The following RBFOX1 variants were observed in gnomAD, a reference collection of about 807,000 sequenced individuals.
RBFOX1 encodes RNA binding fox-1 homolog 1.
RBFOX1 carries 8 observed loss-of-function variants against 57.7 expected under a neutral mutation model. That is an observed-to-expected ratio of 0.14 (90% CI 0.08 to 0.25). The LOEUF is 0.25. Ranked by LOEUF, RBFOX1 falls within the 10% of genes least tolerant of loss-of-function variation. RBFOX1 has a pLI of 1.00. For missense variants in RBFOX1, 611 were observed against 548.5 expected (o/e 1.11, Z -1.14); for synonymous variants, 326 against 222.4 (o/e 1.47, Z -4.15).
intron 1 of RBFOX1, among the ~76,000 whole-genome samples, chr16:5,308,143 C>T (rs983731163): frequency 2.6e-5 from 4 of 152,024 alleles, no homozygotes; most frequent in African/African-American, 9.7e-5. Flanking sequence ...AGTTCGAGAC[C>T]AGCCTAGCCA....
At chr16:6,288,977 T>C (rs1163025911) in intron 1 of RBFOX1, among the ~76,000 whole-genome samples, 1 of 152,092 alleles carries the variant, frequency 6.6e-6, no homozygotes, top group Non-Finnish European at 1.5e-5. Flanking sequence ...TTAGCTCCAG[T>C]GGTGTGAGAA....
chr16:6,142,406 A>G (rs1597725533), intron 1 of RBFOX1, among the ~76,000 whole-genome samples: 2 of 151,726 alleles, frequency 1.3e-5, no homozygotes, highest in Admixed American at 1.3e-4. Flanking sequence ...TATTTTTAGT[A>G]GAGATGGGGT....
At chr16:7,662,825 A>G (rs2068108217) in intron 12 of RBFOX1, among the ~76,000 whole-genome samples, 1 of 152,230 alleles carries the variant, frequency 6.6e-6, no homozygotes, top group African/African-American at 2.4e-5. Flanking sequence ...TGAGGTAGGC[A>G]CTTACCTATT....
intron 3 of RBFOX1, among the ~76,000 whole-genome samples, chr16:6,776,777 A>G (rs1267927903): frequency 1.3e-5 from 2 of 152,238 alleles, no homozygotes; most frequent in Non-Finnish European, 2.9e-5. Flanking sequence ...CAATCAAATT[A>G]GAAGTTAAAT....
At chr16:5,392,381 T>A (rs1221491822) in intron 1 of RBFOX1, among the ~76,000 whole-genome samples, 1 of 152,188 alleles carries the variant, frequency 6.6e-6, no homozygotes, top group Non-Finnish European at 1.5e-5. Flanking sequence ...GCAAAGGCCG[T>A]ACTTCCAAAT....
intron 2 of RBFOX1, among the ~76,000 whole-genome samples, chr16:5,554,894 C>A (rs1199305588): frequency 6.6e-6 from 1 of 152,168 alleles, no homozygotes; most frequent in Non-Finnish European, 1.5e-5. Flanking sequence ...AACCTACAGA[C>A]CTTGAGTGCA....
chr16:7,479,208 C>T (rs765371032), intron 4 of RBFOX1, among the ~76,000 whole-genome samples: 20 of 151,132 alleles, frequency 1.3e-4, no homozygotes, highest in Admixed American at 5.9e-4. Context: ...AGTGCAACTT[C>T]TGCCTCCCGA....
chr16:6,773,139 A>G (rs1263786069), intron 3 of RBFOX1, among the ~76,000 whole-genome samples: 1 of 83,034 alleles, frequency 1.2e-5, no homozygotes, highest in Non-Finnish European at 2.3e-5. Flanking sequence ...TGTGGGGTGC[A>G]TTTGTGTTTG....
At chr16:6,722,699 C>T (rs941812114) in intron 3 of RBFOX1, among the ~76,000 whole-genome samples, 1 of 152,156 alleles carries the variant, frequency 6.6e-6, no homozygotes, top group Non-Finnish European at 1.5e-5. Flanking sequence ...AGTTGCACAA[C>T]CCATAATTAA....
chr16:7,270,596 TAAAAG>T (rs1306269450), intron 4 of RBFOX1, among the ~76,000 whole-genome samples: 2 of 152,204 alleles, frequency 1.3e-5, no homozygotes, highest in Admixed American at 6.5e-5. Flanking sequence ...TCCTATGAGA[TAAAAG>T]AAAATAGGTC....
chr16:6,925,095 C>T (rs112901510), intron 3 of RBFOX1, among the ~76,000 whole-genome samples: 2,566 of 111,138 alleles, frequency 0.023, 100 homozygotes, highest in African/African-American at 0.082. Context: ...CGTTGTTGGA[C>T]ATCTAGGTTG....
At chr16:5,263,406 G>A (rs2062783736) in intron 1 of RBFOX1, among the ~76,000 whole-genome samples, 1 of 152,122 alleles carries the variant, frequency 6.6e-6, no homozygotes, top group Non-Finnish European at 1.5e-5. Context: ...ACAAAGTTTG[G>A]GAACACAGGA....
chr16:7,108,320 C>G lies in RBFOX1; in HGVS notation c.27+56222C>G, dbSNP rs1219886345. Among the ~76,000 whole-genome samples the G allele has an allele frequency of 3.4e-5, 5 of 145,156 alleles. No individual in the cohort carries two copies. The South Asian group carries it at 9.2e-4, about 27-fold the overall frequency. ...TCTCCCCATTAACAAACAAGAACTTCTTTCTATTTTATTTCAGTACAGCTT... is the reference window on the plus strand; with the variant it reads ...TCTCCCCATTAACAAACAAGAACTTGTTTCTATTTTATTTCAGTACAGCTT... On this transcript the variant is annotated intron_variant, in intron 4 of 15. Coordinates refer to ENST00000550418, the MANE Select transcript of RBFOX1 (RefSeq NM_018723.4).
chr16:7,136,041 G>T (rs1395309047), intron 4 of RBFOX1, among the ~76,000 whole-genome samples: 1 of 152,212 alleles, frequency 6.6e-6, no homozygotes, highest in Non-Finnish European at 1.5e-5. Flanking sequence ...GAGTAATGTG[G>T]TATTGTTGGA....
chr16:7,595,381 T>A (rs1049198515), intron 7 of RBFOX1, among the ~76,000 whole-genome samples, 168 bp from the exon 8 acceptor site: 1 of 152,240 alleles, frequency 6.6e-6, no homozygotes, highest in African/African-American at 2.4e-5. Flanking sequence ...TTCACATTTG[T>A]CGCTTAATTA....
chr16:7,357,798 C>T (rs914599151), intron 4 of RBFOX1, among the ~76,000 whole-genome samples: 5 of 152,196 alleles, frequency 3.3e-5, no homozygotes, highest in African/African-American at 9.7e-5. Context: ...GAGCATTCAG[C>T]ATTGCTCCTT....
intron 1 of RBFOX1, among the ~76,000 whole-genome samples, chr16:6,028,597 C>T (rs573815424): frequency 6.6e-6 from 1 of 150,494 alleles, no homozygotes; most frequent in South Asian, 2.1e-4. Context: ...GACAGGATTG[C>T]TTGGCTCTGG....
In RBFOX1 at chr16:7,298,285, G is replaced by GTTTTTTTTTTTTTTTTT. The variant is rs201092743; in HGVS notation, c.28-219857_28-219841dup. On this transcript the variant is annotated intron_variant, in intron 4 of 15. Coordinates refer to ENST00000550418, the MANE Select transcript of RBFOX1 (RefSeq NM_018723.4). ...AAAATTTGTGTATAGGTTTTTTTTT[G>GTTTTTTTTTTTTTTTTT]TTTTTTTTTTTTTTTTTTTTTGAGA... is the stretch of plus-strand genomic sequence containing the variant. Among the ~76,000 whole-genome samples, 37 of 96,576 alleles carry GTTTTTTTTTTTTTTTTT rather than the reference G, an allele frequency of 3.8e-4. 1 individual carries two copies. The highest frequency in any genetic ancestry group is 9.4e-3 in the Middle Eastern group (1 of 106). The allele number at this position is 96,576 out of a possible 152,430, so 63.4% of individuals were successfully genotyped here.
chr16:7,010,726 G>A (rs145050505), intron 3 of RBFOX1, among the ~76,000 whole-genome samples: 135 of 152,064 alleles, frequency 8.9e-4, no homozygotes, highest in African/African-American at 3.1e-3. Context: ...ACCACTGCCC[G>A]GCTGATTTTT....
Sources: allele counts gnomAD v4.1 joint callset (sites outside exome capture counted in the v4.1 genomes callset), GRCh38; gene constraint gnomAD v4.1.1; transcripts MANE v1.5; gene names NCBI Gene and HGNC (gene_info 2026-07-23, HGNC 2026-07-21).